A2ML1: variants seen among roughly 807,000 people sequenced by gnomAD.
A2ML1 encodes alpha-2-macroglobulin-like protein 1.
Under a neutral mutation model 181.9 loss-of-function variants are expected in A2ML1, and 161 were observed. The ratio of observed to expected loss-of-function variants is 0.89; its 90% confidence interval spans 0.78 to 1.01. The LOEUF is 1.01. Among genes scored for constraint, A2ML1 ranks in the 50% least tolerant of loss-of-function variants. The probability of loss-of-function intolerance (pLI) is 0.00; values close to 1 mark genes in which losing one functional copy is unlikely to be tolerated. For synonymous variants in A2ML1, 663 were observed against 666.8 expected (o/e 0.99, Z 0.09); for missense variants, 1,670 against 1,768.1 (o/e 0.94, Z 1.00).
At chr12:8,844,084 G>T (rs1269937566) in intron 12 of A2ML1, among the ~76,000 whole-genome samples, 1 of 151,688 alleles carries the variant, frequency 6.6e-6, no homozygotes, top group Non-Finnish European at 1.5e-5. Flanking sequence ...TGTAAGAGAT[G>T]GAAAACATTG....
Position 8,874,305 on chromosome 12 carries a change from C to T in A2ML1, c.4222-120C>T, listed in dbSNP as rs772640390. ...TGCTGGGATTAGAGGCATGAGCCAC[C>T]GTGCCTGGCGGGGCTTCAGAAAATC... On this transcript the variant is annotated intron_variant, in intron 33 of 35. Transcript: ENST00000299698. 132 of 714,012 alleles carry T rather than the reference C, an allele frequency of 1.8e-4. No individual in the cohort carries two copies. The African/African-American group carries it at 1.9e-3, about 10-fold the overall frequency. The allele number at this position is 714,012 out of a possible 1,614,324, so 44.2% of individuals were successfully genotyped here.
intron 16 of A2ML1, 106 bp downstream of exon 16, chr12:8,849,020 G>T: frequency 7.9e-7 from 1 of 1,261,306 alleles, no homozygotes; most frequent in Non-Finnish European, 1.1e-6. Context: ...GGCACTGATG[G>T]GAACAAAATC....
At chr12:8,834,715 T>C in intron 5 of A2ML1, 33 bp downstream of exon 5, 1 of 1,613,386 alleles carries the variant, frequency 6.2e-7, no homozygotes, top group Non-Finnish European at 8.5e-7. Context: ...TCTCTGTCAG[T>C]TGTGGAAGAG....
chr12:8,861,023 T>C, intron 27 of A2ML1, 68 bp downstream of exon 27: 1 of 1,608,730 alleles, frequency 6.2e-7, no homozygotes, highest in Non-Finnish European at 8.5e-7. Context: ...CATTCACCCA[T>C]CTTTGTCTCT....
intron 4 of A2ML1, among the ~76,000 whole-genome samples, chr12:8,831,199 G>A (rs1248652189): frequency 3.3e-5 from 5 of 152,050 alleles, no homozygotes; most frequent in Admixed American, 2.6e-4. Flanking sequence ...GGCCTCTCTC[G>A]CTTTGGTCTC....
intron 4 of A2ML1, among the ~76,000 whole-genome samples, chr12:8,831,181 G>A (rs1008359070): frequency 1.1e-4 from 16 of 152,108 alleles, no homozygotes; most frequent in African/African-American, 3.9e-4. Flanking sequence ...GGCCGGTCTT[G>A]AGCTCCTGGC....
At chr12:8,877,014 G>T (rs1944816495), downstream of A2ML1, among the ~76,000 whole-genome samples, 1 of 152,142 alleles carries the variant, frequency 6.6e-6, no homozygotes, top group Non-Finnish European at 1.5e-5. Context: ...TGGATTACAA[G>T]AAAAGTGGCT....
rs1944028592 is a variant in A2ML1, at chr12:8,855,383, G to T, written c.2765-126G>T. 3.8e-6 allele frequency: 3 copies of T among 782,228 alleles called. No homozygotes were observed. The African/African-American group carries it at 5.2e-5, about 13-fold the overall frequency. 48.5% of individuals were successfully genotyped at this position (782,228 alleles called of 1,614,324 possible). A position where few individuals can be genotyped will look rare whatever the true frequency, so the allele number is the denominator to read the frequency against. ...CTATGAATAGTACCCAGTGCTTTCT[G>T]CATCCCAGAGAAAGCACCGAGTACA... On this transcript the variant is annotated intron_variant, in intron 22 of 35. Coordinates refer to ENST00000299698, the MANE Select transcript of A2ML1 (RefSeq NM_144670.6).
At chr12:8,870,366 C>A (rs900761063) in intron 33 of A2ML1, among the ~76,000 whole-genome samples, 5 of 152,118 alleles carry the variant, frequency 3.3e-5, no homozygotes, top group African/African-American at 1.2e-4. Flanking sequence ...CTCCCGGGTT[C>A]ATGCCATTCT....
intron 29 of A2ML1, among the ~76,000 whole-genome samples, 181 bp downstream of exon 29, chr12:8,864,189 T>A (rs947307046): frequency 1.7e-5 from 1 of 60,062 alleles, no homozygotes; most frequent in African/African-American, 4.5e-5. Flanking sequence ...GTACCAGATG[T>A]ATTTAATTTT....
At chr12:8,863,506 T>C (rs1200975119) in intron 28 of A2ML1, among the ~76,000 whole-genome samples, 1 of 152,248 alleles carries the variant, frequency 6.6e-6, no homozygotes, top group African/African-American at 2.4e-5. Context: ...AGCTTCTATT[T>C]ACCTATTTCC....
At position 8,852,216 on chromosome 12, in the gene A2ML1, A is replaced by G. The variant is rs969030959; in HGVS notation, c.2470A>G (p.Thr824Ala). 6.8e-6 allele frequency: 11 copies of G among 1,613,908 alleles called. No homozygotes were observed. In the African/African-American group the frequency reaches 1.1e-4, roughly 16 times the overall value. The change falls in exon 20 of 36, where the codon ACT becomes GCT. Residue 824 changes from threonine to alanine, a missense_variant. Physicochemically the swap from Thr to Ala is moderately conservative, Grantham distance 58. Transcript: ENST00000299698. The surrounding 1 kb of genome is among the most constrained non-coding windows in gnomAD (Gnocchi z 4.2). ...TCTTAAACATCCTCCGTAGGTTCAG[A>G]CTGACCTGGCTAAATCGCATGAGTA... ...NYLKDCIRVQ[T>A]DLAKSHEYQL...
At chr12:8,822,750 G>A (rs1942783667) in intron 1 of A2ML1, 37 bp downstream of exon 1, 13 of 1,602,294 alleles carry the variant, frequency 8.1e-6, no homozygotes, top group Non-Finnish European at 8.5e-6. Context: ...TATTAGGGCA[G>A]CGGCTTCTTC....
intron 22 of A2ML1, 43 bp downstream of exon 22, chr12:8,854,874 G>A (rs1298840545): frequency 2.6e-5 from 41 of 1,583,290 alleles, no homozygotes; most frequent in East Asian, 4.5e-5. Context: ...AATTCCCTTA[G>A]AGGGCAGGAG....
chr12:8,852,210 G>A lies in A2ML1; in HGVS notation c.2464G>A (p.Val822Ile), dbSNP rs201752325. 2.1e-4 allele frequency: 336 copies of A among 1,613,992 alleles called. No homozygotes were observed. The highest frequency in any genetic ancestry group is 8.3e-4 in the Middle Eastern group (5 of 6,060). Reference sequence around the variant, plus strand: ...TTTGTCTCTTAAACATCCTCCGTAGGTTCAGACTGACCTGGCTAAATCGCA... The same window carrying A: ...TTTGTCTCTTAAACATCCTCCGTAGATTCAGACTGACCTGGCTAAATCGCA... ...IFNYLKDCIRVQTDLAKSHEY... is the reference protein window; with the variant it reads ...IFNYLKDCIRIQTDLAKSHEY... The change falls in exon 20 of 36, where the codon GTT becomes ATT. Residue 822 changes from valine to isoleucine, a missense_variant and splice_region_variant. Val to Ile is a conservative substitution (Grantham distance 29). Coordinates refer to ENST00000299698, the MANE Select transcript of A2ML1 (RefSeq NM_144670.6). This position sits in a 1 kb window ranked among gnomAD's most constrained non-coding sequence, Gnocchi z 4.2.
In A2ML1 at chr12:8,852,172, T is replaced by C. The variant is rs764748626; in HGVS notation, c.2464-38T>C. The C allele has an allele frequency of 3.1e-6, 5 of 1,612,886 alleles. No homozygotes were observed. In the Admixed American group the frequency reaches 8.3e-5, roughly 27 times the overall value. ...CCCCAGGCCTCTATGCACTACCTCCTTTGTTTGTACCCTTTGTCTCTTAAA... is the reference window on the plus strand; with the variant it reads ...CCCCAGGCCTCTATGCACTACCTCCCTTGTTTGTACCCTTTGTCTCTTAAA... On this transcript the variant is annotated intron_variant, in intron 19 of 35. Coordinates refer to ENST00000299698, the MANE Select transcript of A2ML1 (RefSeq NM_144670.6). This position sits in a 1 kb window ranked among gnomAD's most constrained non-coding sequence, Gnocchi z 4.2.
chr12:8,839,340 T>C lies in A2ML1; in HGVS notation c.1080+118T>C, dbSNP rs981589178. 5 of 613,938 alleles carry C rather than the reference T, an allele frequency of 8.1e-6. No individual in the cohort carries two copies. In the East Asian group the frequency reaches 1.5e-4, roughly 19 times the overall value. The allele number at this position is 613,938 out of a possible 1,614,324, so 38.0% of individuals were successfully genotyped here. On this transcript the variant is annotated intron_variant, in intron 10 of 35. Coordinates refer to ENST00000299698, the MANE Select transcript of A2ML1 (RefSeq NM_144670.6). ...GCTGTTCCAAGTACTTTATGTGTATTCATTTTAATCTTTAGAATAATGCAA... is the reference window on the plus strand; with the variant it reads ...GCTGTTCCAAGTACTTTATGTGTATCCATTTTAATCTTTAGAATAATGCAA...
At chr12:8,851,528 C>T (rs1041789832) in intron 18 of A2ML1, among the ~76,000 whole-genome samples, 6 of 151,998 alleles carry the variant, frequency 3.9e-5, no homozygotes, top group African/African-American at 1.5e-4. Flanking sequence ...GCCTCAGCCT[C>T]CTAAGTAGCT....
At position 8,823,861 on chromosome 12, in the gene A2ML1, C is replaced by G. The variant is rs1407764110; in HGVS notation, c.388C>G (p.Leu130Val). 6.2e-7 allele frequency: 1 copy of G among 1,613,004 alleles called. No individual in the cohort carries two copies. The highest frequency in any genetic ancestry group is 1.3e-5 in the African/African-American group (1 of 74,856). Reference protein sequence around the residue: ...NGTFVQTDKPLYTPGQQVYFR... With the variant: ...NGTFVQTDKPVYTPGQQVYFR... ...CACCTTTGTACAGACTGACAAACCT[C>G]TCTACACCCCAGGGCAGCAAGGTAA... is the stretch of plus-strand genomic sequence containing the variant. Residue 130 changes from leucine to valine, a missense_variant, in exon 3 of 36, where the codon CTC becomes GTC. Transcript: ENST00000299698.
Sources: allele counts gnomAD v4.1 joint callset (sites outside exome capture counted in the v4.1 genomes callset), GRCh38; gene constraint gnomAD v4.1.1; non-coding constraint Gnocchi (gnomAD v3.1); transcripts MANE v1.5; gene names NCBI Gene and HGNC (gene_info 2026-07-23, HGNC 2026-07-21).